UGGT2: variants seen among roughly 807,000 people sequenced by gnomAD.
UGGT2 encodes UDP-glucose:glycoprotein glucosyltransferase 2.
A neutral mutation model predicts 192.1 loss-of-function variants in UGGT2; 180 were observed. That is an observed-to-expected ratio of 0.94 (90% confidence interval 0.83 to 1.06). The LOEUF is 1.06. UGGT2 is among the 50% of genes least tolerant of loss of function. The probability of loss-of-function intolerance (pLI) is 0.00; values close to 1 mark genes in which losing one functional copy is unlikely to be tolerated. For synonymous variants in UGGT2, 580 were observed against 591.0 expected, an observed-to-expected ratio of 0.98 and a Z score of 0.27; for missense variants, 1,849 against 1,795.7, an observed-to-expected ratio of 1.03 and a Z score of -0.54.
intron 1 of UGGT2, 54 bp downstream of exon 1, chr13:96,053,101 T>C: frequency 7.1e-7 from 1 of 1,414,900 alleles, no homozygotes; most frequent in South Asian, 1.5e-5. Context: ...AAAGCGCGGC[T>C]GAGGGTGGCA....
chr13:95,930,913 G>C (rs1376261608), intron 17 of UGGT2, among the ~76,000 whole-genome samples: 3 of 152,166 alleles, frequency 2.0e-5, no homozygotes, highest in African/African-American at 7.2e-5. Context: ...CTCAAAGGCA[G>C]CACGGACCCA....
At chr13:95,952,206 AAAAAAAAGAAG>A (rs2050086490) in intron 12 of UGGT2, among the ~76,000 whole-genome samples, 1 of 152,134 alleles carries the variant, frequency 6.6e-6, no homozygotes, top group African/African-American at 2.4e-5. Context: ...ACCACAGGAA[AAAAAAAAGAAG>A]AAAAAAAGAA....
chr13:95,911,463 G>A (rs1425292473), intron 20 of UGGT2, among the ~76,000 whole-genome samples: 2 of 152,090 alleles, frequency 1.3e-5, no homozygotes, highest in African/African-American at 2.4e-5. Context: ...ACACCTCTAC[G>A]CAAATAAACT....
intron 10 of UGGT2, among the ~76,000 whole-genome samples, chr13:95,982,974 C>T (rs1477630050): frequency 6.6e-6 from 1 of 152,136 alleles, no homozygotes; most frequent in Non-Finnish European, 1.5e-5. Context: ...GTTGACAGCT[C>T]ACTCTGTCTC....
chr13:95,940,294 A>G (rs1437807659), intron 15 of UGGT2, among the ~76,000 whole-genome samples: 1 of 151,940 alleles, frequency 6.6e-6, no homozygotes, highest in Non-Finnish European at 1.5e-5. Flanking sequence ...TTTCAAAAAT[A>G]TCATAACAAA....
At chr13:96,041,642 C>T (rs1402379695) in intron 1 of UGGT2, among the ~76,000 whole-genome samples, 1 of 152,058 alleles carries the variant, frequency 6.6e-6, no homozygotes, top group Non-Finnish European at 1.5e-5. Flanking sequence ...CTCAGCCCTG[C>T]TCGCCCACCG....
At chr13:95,920,812 T>C (rs990157728) in intron 20 of UGGT2, among the ~76,000 whole-genome samples, 1 of 152,162 alleles carries the variant, frequency 6.6e-6, no homozygotes, top group Admixed American at 6.5e-5. Context: ...AAATTACCAT[T>C]TGACCCAGCA....
intron 27 of UGGT2, 135 bp from the exon 28 acceptor site, chr13:95,877,991 T>A (rs1316929586): frequency 9.3e-6 from 8 of 862,462 alleles, no homozygotes; most frequent in South Asian, 2.1e-5. Context: ...ATTTTACACA[T>A]GAGTGAATTC....
At chr13:95,889,077 G>A (rs901400347) in intron 25 of UGGT2, among the ~76,000 whole-genome samples, 4 of 152,018 alleles carry the variant, frequency 2.6e-5, no homozygotes, top group African/African-American at 9.6e-5. Flanking sequence ...GGCTAATTCC[G>A]TATTTCTTAC....
chr13:96,010,566 T>TA (rs1318169621), intron 5 of UGGT2, among the ~76,000 whole-genome samples: 4 of 150,650 alleles, frequency 2.7e-5, no homozygotes, highest in Admixed American at 6.6e-5. Context: ...AAAATAAGGT[T>TA]AAAAAAAAAT....
At chr13:95,877,450 G>C in intron 28 of UGGT2, 86 bp from the exon 29 acceptor site, 8 of 1,135,554 alleles carry the variant, frequency 7.0e-6, no homozygotes, top group Non-Finnish European at 1.0e-5. Context: ...ATCTAAGAAA[G>C]TATTTATTAA....
intron 4 of UGGT2, among the ~76,000 whole-genome samples, chr13:96,014,857 T>A (rs1040625709): frequency 3.9e-5 from 6 of 152,196 alleles, no homozygotes; most frequent in African/African-American, 1.4e-4. Context: ...GCAGCTGGAT[T>A]ATCATTTTAT....
At chr13:95,952,544 T>A (rs77109735) in intron 12 of UGGT2, among the ~76,000 whole-genome samples, 2 of 152,348 alleles carry the variant, frequency 1.3e-5, no homozygotes, top group African/African-American at 4.8e-5. Context: ...TTAAAATTTG[T>A]ATTTTTTTAT....
intron 1 of UGGT2, among the ~76,000 whole-genome samples, chr13:96,037,143 T>A (rs1320381210): frequency 1.3e-5 from 2 of 152,204 alleles, no homozygotes; most frequent in Non-Finnish European, 2.9e-5. Flanking sequence ...ACAAGTAGAA[T>A]AACTGCAGTT....
chr13:95,867,330 C>G lies in UGGT2; in HGVS notation c.3558+9G>C, dbSNP rs1890760842. 1 of 1,596,206 alleles carries G rather than the reference C, an allele frequency of 6.3e-7. No homozygotes were observed. Among genetic ancestry groups the G allele is most frequent in the Admixed American group, 1.7e-5 (1 of 57,302 alleles). Reference sequence around the variant, plus strand: ...AACAAAGCCTATAAAAAGTTCTGCCCCCACATACTTTTACTTTGAGTATCT... The same window carrying G: ...AACAAAGCCTATAAAAAGTTCTGCCGCCACATACTTTTACTTTGAGTATCT... On this transcript the variant is annotated intron_variant, in intron 30 of 38. Coordinates refer to ENST00000376747, the MANE Select transcript of UGGT2 (RefSeq NM_020121.4).
intron 38 of UGGT2, among the ~76,000 whole-genome samples, chr13:95,817,000 G>A (rs1054436638): frequency 1.3e-5 from 2 of 152,120 alleles, no homozygotes; most frequent in Admixed American, 6.5e-5. Flanking sequence ...GTTGGCACAT[G>A]CTTGTAATCC....
At chr13:95,847,267 G>T (rs1324623833) in intron 36 of UGGT2, among the ~76,000 whole-genome samples, 1 of 151,904 alleles carries the variant, frequency 6.6e-6, no homozygotes, top group African/African-American at 2.4e-5. Context: ...CCCCACCAAA[G>T]TGATATGTTT....
intron 10 of UGGT2, among the ~76,000 whole-genome samples, chr13:95,974,009 G>A (rs2050859436): frequency 6.6e-6 from 1 of 152,104 alleles, no homozygotes; most frequent in Non-Finnish European, 1.5e-5. Flanking sequence ...CACATAATAG[G>A]GACTTGTGTG....
At chr13:95,964,993 C>T (rs1362221813) in intron 12 of UGGT2, among the ~76,000 whole-genome samples, 1 of 151,974 alleles carries the variant, frequency 6.6e-6, no homozygotes, top group African/African-American at 2.4e-5. Flanking sequence ...TGAAAAAATG[C>T]TCACCATCAC....
Sources: gnomAD v4.1 joint callset for allele counts (sites outside exome capture counted in the v4.1 genomes callset) on GRCh38, gnomAD v4.1.1 for gene constraint, MANE v1.5 for transcripts, NCBI Gene and HGNC (gene_info 2026-07-23, HGNC 2026-07-21) for gene names.